ABCC6: variants seen among roughly 807,000 people sequenced by gnomAD.
ABCC6 encodes the protein ATP-binding cassette sub-family C member 6.
In ABCC6, 126 loss-of-function variants were observed where a neutral mutation model predicts 169.5. That is an observed-to-expected ratio of 0.74 (90% CI 0.64 to 0.86). The LOEUF is 0.86. ABCC6 is among the 40% of genes least tolerant of loss of function. ABCC6 has a pLI of 0.00. For missense variants in ABCC6, 1,733 were observed against 1,927.2 expected, an observed-to-expected ratio of 0.90 and a Z score of 1.89; for synonymous variants, 752 against 814.7, an observed-to-expected ratio of 0.92 and a Z score of 1.31.
At chr16:16,163,327 G>C (rs890367555) in intron 23 of ABCC6, 135 bp from the exon 24 acceptor site, 1 of 813,200 alleles carries the variant, frequency 1.2e-6, no homozygotes. Flanking sequence ...CCTTGGGCTA[G>C]TTGCTTGCCC....
chr16:16,167,555 C>T (rs1393707488), intron 22 of ABCC6, among the ~76,000 whole-genome samples: 1 of 152,150 alleles, frequency 6.6e-6, no homozygotes, highest in Non-Finnish European at 1.5e-5. Context: ...CTGCAAACCC[C>T]ACCTCCCAGG....
rs370667194 is a variant in ABCC6 at position 16,167,669 on chromosome 16, A to G, written c.2996-1736T>C. Among the ~76,000 whole-genome samples the G allele has an allele frequency of 3.3e-5, 5 of 152,122 alleles. No individual in the cohort carries two copies. In the East Asian group the frequency reaches 5.8e-4, roughly 18 times the overall value. The stretch of plus-strand genomic sequence containing the variant: ...TTTTTAGTAGAGACGGGGTTTCACC[A>G]TGTTCGCCAGGCTGATCTTGAACTC... On this transcript the variant is annotated intron_variant, in intron 22 of 30. Transcript: ENST00000205557.
chr16:16,169,876 G>A (rs1001660867), intron 21 of ABCC6, 23 bp from the exon 22 acceptor site: 2 of 1,549,590 alleles, frequency 1.3e-6, no homozygotes, highest in African/African-American at 2.7e-5. Flanking sequence ...TGAGGGAGAG[G>A]GAGGCAGAGA....
At chr16:16,190,936 G>T (rs1167416430) in intron 11 of ABCC6, among the ~76,000 whole-genome samples, 4 of 143,086 alleles carry the variant, frequency 2.8e-5, no homozygotes, top group African/African-American at 1.0e-4. Context: ...TGGGGGGTAG[G>T]GGGGTGGCGG....
intron 17 of ABCC6, 143 bp from the exon 18 acceptor site, chr16:16,179,108 T>C: frequency 1.1e-6 from 1 of 948,108 alleles, no homozygotes; most frequent in South Asian, 1.4e-5. Flanking sequence ...CAGGCCCAGC[T>C]TCCAAGGCAC....
At chr16:16,176,310 G>C (rs2047276413) in intron 19 of ABCC6, among the ~76,000 whole-genome samples, 1 of 152,152 alleles carries the variant, frequency 6.6e-6, no homozygotes, top group African/African-American at 2.4e-5. Context: ...CTTGTGTCTG[G>C]AATGCTTTTT....
In ABCC6 at chr16:16,208,734, G is replaced by C. The variant is rs751403636; in HGVS notation, c.788C>G (p.Ala263Gly). 163 of 1,613,254 alleles carry C rather than the reference G, an allele frequency of 1.0e-4. No individual in the cohort carries two copies. Among genetic ancestry groups the C allele is most frequent in the Non-Finnish European group, 1.2e-4 (136 of 1,179,518 alleles). Residue 263 changes from alanine (A) to glycine (G), a missense_variant, in exon 7 of 31, where the codon GCC becomes GGC. Coordinates refer to ENST00000205557, the MANE Select transcript of ABCC6 (RefSeq NM_001171.6). Reference sequence around the variant, plus strand: ...TTGACCTCCACCCACTTACCTCCGGGCTGCACTGCGGTTCCTCATCCACTC... The same window carrying C: ...TTGACCTCCACCCACTTACCTCCGGCCTGCACTGCGGTTCCTCATCCACTC... ...EKEWMRNRSA[A>G]RRHNKAIAFK...
rs540371698 is a variant in ABCC6, at chr16:16,220,992, C to T, written c.219+657G>A. ...TTCTGGAATGGCAGAGTTCAGTGTT[C>T]GGAAGGAAGATTACCTGGCTCACAA... On this transcript the variant is annotated intron_variant, in intron 2 of 30. Coordinates refer to ENST00000205557, the MANE Select transcript of ABCC6 (RefSeq NM_001171.6). Among the ~76,000 whole-genome samples, 32 of 151,620 alleles carry T rather than the reference C, an allele frequency of 2.1e-4. No individual in the cohort carries two copies. The South Asian group carries it at 5.4e-3, about 26-fold the overall frequency.
rs369658793 is a variant in ABCC6 at position 16,176,709 on chromosome 16, A to G, written c.2591-723T>C. 7.2e-5 allele frequency among the ~76,000 whole-genome samples: 11 copies of G among 152,312 alleles called. No homozygotes were observed. In the East Asian group the frequency reaches 1.5e-3, roughly 21 times the overall value. On this transcript the variant is annotated intron_variant, in intron 19 of 30. Transcript: ENST00000205557. ...ATGAAGGGATAGTGTAGAGGGTAGC[A>G]ATTAAAAAACACATTCTCTGGAATC...
At position 16,161,498 on chromosome 16, in the gene ABCC6, C is replaced by T. The variant is rs2046715770; in HGVS notation, c.3573G>A (p.Val1191=). The change falls in exon 25 of 31, where the codon GTG becomes GTA. Residue 1191 remains valine, a synonymous_variant. Coordinates refer to ENST00000205557, the MANE Select transcript of ABCC6 (RefSeq NM_001171.6). ...CAGCACTGAGGTGGGCTTTGCTCAG[C>T]ACAGCACACGTGGCAGCTGCAAACA... ...GLVFAAATCA[V]LSKAHLSAGL... is the part of the protein sequence containing the mutation. 1.9e-6 allele frequency: 3 copies of T among 1,613,980 alleles called. No individual in the cohort carries two copies. Among genetic ancestry groups the T allele is most frequent in the South Asian group, 1.1e-5 (1 of 91,088 alleles).
intron 17 of ABCC6, among the ~76,000 whole-genome samples, chr16:16,179,930 C>A (rs936017286): frequency 6.6e-6 from 1 of 152,160 alleles, no homozygotes; most frequent in Non-Finnish European, 1.5e-5. Flanking sequence ...TAATGACTCA[C>A]CATCATGCAG....
rs1404401221 is a variant in ABCC6 at position 16,173,288 on chromosome 16, C to T, written c.2783G>A (p.Gly928Asp). The stretch of plus-strand genomic sequence containing the variant: ...GTGGGTGAAGCTGGTGGTTACCCTG[C>T]CGTATTGGATGCTGTCCTTTCCTGC... ...WPAGKDSIQYGRVKATVHLAY... is the reference protein window; with the variant it reads ...WPAGKDSIQYDRVKATVHLAY... Residue 928 changes from glycine (G) to aspartate (D), a missense_variant, in exon 21 of 31, where the codon GGC becomes GAC. Physicochemically the swap from Gly to Asp is moderately conservative, Grantham distance 94. Transcript: ENST00000205557. 6 of 1,613,714 alleles carry T rather than the reference C, an allele frequency of 3.7e-6. No individual in the cohort carries two copies. The highest frequency in any genetic ancestry group is 1.7e-4 in the Middle Eastern group (1 of 5,998).
rs1417615917 is a variant in ABCC6 at position 16,221,765 on chromosome 16, C to T, written c.103G>A (p.Ala35Thr). 3 of 1,613,748 alleles carry T rather than the reference C, an allele frequency of 1.9e-6. No individual in the cohort carries two copies. The South Asian group carries it at 3.3e-5, about 18-fold the overall frequency. The change falls in exon 2 of 31, where the codon GCA becomes ACA. Residue 35 changes from alanine (A) to threonine (T), a missense_variant. Ala to Thr is a moderately conservative substitution (Grantham distance 58). This residue lies in a region of ABCC6 where 66 missense variants were observed against 69.5 expected (regional missense o/e 0.95). Transcript: ENST00000205557. ...SLLSLCFLRTAGVWVPPMYLW... is the reference protein window; with the variant it reads ...SLLSLCFLRTTGVWVPPMYLW... ...TACATGGGGGGTACCCAGACCCCTG[C>T]TGTTCTCAGGAAGCACAGGCTCAGC...
chr16:16,193,012 G>A (rs576819335), intron 10 of ABCC6, 90 bp from the exon 11 acceptor site: 2 of 1,116,460 alleles, frequency 1.8e-6, no homozygotes, highest in East Asian at 2.4e-5. Flanking sequence ...CTTGAATAGG[G>A]ACTGGGTAAA....
At chr16:16,185,728 T>A (rs212076) in intron 14 of ABCC6, among the ~76,000 whole-genome samples, 19,809 of 152,176 alleles carry the variant, frequency 0.13, 1,549 homozygotes, top group Middle Eastern at 0.21. Context: ...GAGGTTGCAG[T>A]GAACCAAGAT....
rs1177075728 is a variant in ABCC6 at position 16,198,148 on chromosome 16, C to G, written c.1211G>C (p.Ser404Thr). ...LALSSGSRKA[S>T]AVGDVVNLVS... Reference sequence around the variant, plus strand: ...CAGATTGACCACATCACCCACCGCACTGGCCTTTCTGGAGCCGCTGGACAG... The same window carrying G: ...CAGATTGACCACATCACCCACCGCAGTGGCCTTTCTGGAGCCGCTGGACAG... The change falls in exon 10 of 31, where the codon AGT becomes ACT. Residue 404 changes from serine to threonine, a missense_variant. Physicochemically the swap from Ser to Thr is moderately conservative, Grantham distance 58. Coordinates refer to ENST00000205557, the MANE Select transcript of ABCC6 (RefSeq NM_001171.6). 1 of 1,608,732 alleles carries G rather than the reference C, an allele frequency of 6.2e-7. No individual in the cohort carries two copies. Among genetic ancestry groups the G allele is most frequent in the South Asian group, 1.1e-5 (1 of 90,132 alleles).
chr16:16,183,643 T>C (rs1283483729), intron 15 of ABCC6, among the ~76,000 whole-genome samples: 1 of 152,274 alleles, frequency 6.6e-6, no homozygotes, highest in Non-Finnish European at 1.5e-5. Context: ...AAAAGGCCAG[T>C]GGTTCTCACC....
chr16:16,169,041 A>G (rs1244889107), intron 22 of ABCC6, among the ~76,000 whole-genome samples: 2 of 152,192 alleles, frequency 1.3e-5, no homozygotes, highest in Non-Finnish European at 1.5e-5. Context: ...AGACGGCAGC[A>G]CTGCCCTCCA....
At position 16,178,912 on chromosome 16, in the gene ABCC6, TA is replaced by T; in HGVS notation, c.2300del (p.Val767AspfsTer44). ...GCAGGTACACAGCTGCCTTTCTGTA[TA>T]CAGCCCGGGCCAGGCTCAGCCGCTG... ...QKQRLSLARA[V>X]YRKAAVYLLD... On this transcript the variant is annotated frameshift_variant, in exon 18 of 31. Transcript: ENST00000205557. LOFTEE classifies it high-confidence loss of function. 1 of 1,613,694 alleles carries T rather than the reference TA, an allele frequency of 6.2e-7. No homozygotes were observed.
Sources: gnomAD v4.1 joint callset for allele counts (sites outside exome capture counted in the v4.1 genomes callset) on GRCh38, gnomAD v4.1.1 for gene constraint, gnomAD v4.1.1 regional missense constraint, MANE v1.5 for transcripts, NCBI Gene and HGNC (gene_info 2026-07-23, HGNC 2026-07-21) for gene names.